Variants in ACOXL observed in about 807,000 individuals in gnomAD.
ACOXL encodes acyl-CoA oxidase like.
ACOXL carries 70 observed loss-of-function variants against 71.9 expected under a neutral mutation model. The ratio of observed to expected loss-of-function variants is 0.97; its 90% CI spans 0.80 to 1.19. ACOXL has a LOEUF of 1.19. Among genes scored for constraint, ACOXL ranks in the 50% most tolerant of loss-of-function variants. The pLI, the probability that ACOXL is intolerant of heterozygous loss-of-function variation, is 0.00. For missense variants in ACOXL, 703 were observed against 736.3 expected, an observed-to-expected ratio of 0.95 and a Z score of 0.52; for synonymous variants, 253 against 281.6, an observed-to-expected ratio of 0.90 and a Z score of 1.02.
chr2:111,000,266 T>C (rs2063559904), intron 14 of ACOXL, among the ~76,000 whole-genome samples: 1 of 152,196 alleles, frequency 6.6e-6, no homozygotes, highest in Non-Finnish European at 1.5e-5. Context: ...CCTGAAGTTA[T>C]GTGGAAAGTA....
At chr2:110,823,837 A>C (rs1688889370) in intron 9 of ACOXL, among the ~76,000 whole-genome samples, 1 of 152,008 alleles carries the variant, frequency 6.6e-6, no homozygotes, top group Non-Finnish European at 1.5e-5. Context: ...TCTTATTGTT[A>C]GTTTTAAGAG....
At chr2:111,047,300 T>C (rs949171760) in intron 15 of ACOXL, among the ~76,000 whole-genome samples, 2 of 152,102 alleles carry the variant, frequency 1.3e-5, no homozygotes, top group African/African-American at 4.8e-5. Flanking sequence ...GAACACAGGG[T>C]CACCACAGAG....
In ACOXL at chr2:111,117,730, G is replaced by GC; in HGVS notation, c.1658dup (p.Trp554ValfsTer87). On this transcript the variant is annotated frameshift_variant, in exon 18 of 18. Transcript: ENST00000439055. LOFTEE classifies it low-confidence loss of function (END_TRUNC). ...CGCCGGAATCTCCAACCCGCGGGCC[G>GC]CGTGGGCTTTCTACCCTGCACCGCT... 1 of 1,551,662 alleles carries GC rather than the reference G, an allele frequency of 6.4e-7. No individual in the cohort carries two copies. The highest frequency in any genetic ancestry group is 8.7e-7 in the Non-Finnish European group (1 of 1,146,996).
At chr2:110,774,255 G>A (rs1174770604) in intron 2 of ACOXL, among the ~76,000 whole-genome samples, 4 of 152,232 alleles carry the variant, frequency 2.6e-5, no homozygotes, top group South Asian at 2.1e-4. Context: ...TACCTGTCTC[G>A]ATGGAGCTTA....
rs1180233039 is a variant in ACOXL, at chr2:111,038,420, C to T, written c.1369+6706C>T. Among the ~76,000 whole-genome samples the T allele has an allele frequency of 3.9e-5, 6 of 152,168 alleles. No homozygotes were observed. The South Asian group carries it at 6.2e-4, about 16-fold the overall frequency. On this transcript the variant is annotated intron_variant, in intron 15 of 17. Coordinates refer to ENST00000439055, the MANE Select transcript of ACOXL (RefSeq NM_001142807.4). The stretch of plus-strand genomic sequence containing the variant: ...GTTTCCCACTTTTTAAATGTGTTTT[C>T]GCTCCTTTGTTTCCCACTCTGTGAT...
At chr2:111,075,754 A>T (rs2067569701) in intron 16 of ACOXL, among the ~76,000 whole-genome samples, 1 of 152,024 alleles carries the variant, frequency 6.6e-6, no homozygotes, top group African/African-American at 2.4e-5. Flanking sequence ...ACAACAACTT[A>T]TATATTGCAT....
At chr2:110,954,408 C>T (rs2061427653) in intron 12 of ACOXL, among the ~76,000 whole-genome samples, 1 of 152,140 alleles carries the variant, frequency 6.6e-6, no homozygotes, top group South Asian at 2.1e-4. Context: ...CTTATCTCTG[C>T]TTGTTTGGAC....
At chr2:110,794,412 A>G (rs968254073) in intron 5 of ACOXL, among the ~76,000 whole-genome samples, 4 of 152,244 alleles carry the variant, frequency 2.6e-5, no homozygotes, top group Non-Finnish European at 4.4e-5. Flanking sequence ...GAGGCACTGA[A>G]CACTGCTTCA....
chr2:111,024,529 A>G (rs2064925919), intron 14 of ACOXL, among the ~76,000 whole-genome samples: 1 of 152,196 alleles, frequency 6.6e-6, no homozygotes, highest in South Asian at 2.1e-4. Flanking sequence ...TGACACCTTG[A>G]TTTCAGACTT....
chr2:111,030,384 C>T (rs1312190952), intron 14 of ACOXL, among the ~76,000 whole-genome samples: 1 of 152,178 alleles, frequency 6.6e-6, no homozygotes, highest in Non-Finnish European at 1.5e-5. Flanking sequence ...ATTCAGGGAG[C>T]AAAGCAGACA....
At chr2:110,908,602 A>T (rs757133574) in intron 10 of ACOXL, among the ~76,000 whole-genome samples, 187 bp from the exon 11 acceptor site, 10 of 152,198 alleles carry the variant, frequency 6.6e-5, no homozygotes, top group Non-Finnish European at 1.5e-4. Flanking sequence ...AAGAGCTGAA[A>T]AGCTTCCTGT....
intron 1 of ACOXL, among the ~76,000 whole-genome samples, chr2:110,753,141 G>T (rs1679219895): frequency 6.6e-6 from 1 of 151,868 alleles, no homozygotes; most frequent in Non-Finnish European, 1.5e-5. Context: ...AATGACTCTG[G>T]CACCTCCTCC....
At chr2:110,771,673 C>T (rs916257836) in intron 2 of ACOXL, among the ~76,000 whole-genome samples, 4 of 152,316 alleles carry the variant, frequency 2.6e-5, no homozygotes, top group East Asian at 1.9e-4. Context: ...AGAGTGTGCA[C>T]GCACACACAC....
chr2:111,028,881 G>A (rs1171878997), intron 14 of ACOXL, among the ~76,000 whole-genome samples: 1 of 152,190 alleles, frequency 6.6e-6, no homozygotes, highest in Non-Finnish European at 1.5e-5. Flanking sequence ...GCATGCTTGG[G>A]AGGGGCAGGT....
intron 10 of ACOXL, among the ~76,000 whole-genome samples, chr2:110,878,951 G>A (rs1281358379): frequency 1.3e-5 from 2 of 151,134 alleles, no homozygotes; most frequent in East Asian, 1.9e-4. Flanking sequence ...CCAGCTACTC[G>A]GGAGGCTGAG....
intron 14 of ACOXL, among the ~76,000 whole-genome samples, chr2:111,024,153 C>T (rs917168945): frequency 2.0e-5 from 3 of 152,164 alleles, no homozygotes; most frequent in African/African-American, 7.2e-5. Flanking sequence ...GGCTGTGGCT[C>T]CATGACAAAG....
chr2:111,106,108 A>G (rs1469751870), intron 17 of ACOXL, among the ~76,000 whole-genome samples: 1 of 152,128 alleles, frequency 6.6e-6, no homozygotes, highest in African/African-American at 2.4e-5. Flanking sequence ...TGCCCAGCCC[A>G]CTTCCTCTTC....
Position 111,049,302 on chromosome 2 carries a change from T to G in ACOXL, c.1440+14T>G. The G allele has an allele frequency of 6.3e-7, 1 of 1,590,038 alleles. No homozygotes were observed. The highest frequency in any genetic ancestry group is 8.6e-7 in the Non-Finnish European group (1 of 1,158,386). ...TTGTTAATGAAGGTAGGTTATCAGA[T>G]AAAGAACTTATTTCCTAAAGGCTCA... On this transcript the variant is annotated intron_variant, in intron 16 of 17. Coordinates refer to ENST00000439055, the MANE Select transcript of ACOXL (RefSeq NM_001142807.4).
At chr2:110,870,048 T>C (rs1055329993) in intron 10 of ACOXL, among the ~76,000 whole-genome samples, 1 of 152,188 alleles carries the variant, frequency 6.6e-6, no homozygotes, top group East Asian at 1.9e-4. Context: ...TTTAAACCCA[T>C]GGGGGAGTGG....
Sources: gnomAD v4.1 joint callset for allele counts (sites outside exome capture counted in the v4.1 genomes callset) on GRCh38, gnomAD v4.1.1 for gene constraint, MANE v1.5 for transcripts, NCBI Gene and HGNC (gene_info 2026-07-23, HGNC 2026-07-21) for gene names.